Variants in DNER observed in about 807,000 individuals in gnomAD.
The protein encoded by DNER is delta/notch like EGF repeat containing.
Under a neutral mutation model 78.2 loss-of-function variants are expected in DNER, and 33 were observed. The ratio of observed to expected loss-of-function variants is 0.42; its 90% CI spans 0.32 to 0.56. The LOEUF is 0.56. Ranked by LOEUF, DNER falls within the 20% of genes least tolerant of loss-of-function variation. The pLI is 0.11. For synonymous variants in DNER, 417 were observed against 384.8 expected, an observed-to-expected ratio of 1.08 and a Z score of -0.98; for missense variants, 918 against 975.3, an observed-to-expected ratio of 0.94 and a Z score of 0.78.
chr2:229,480,243 G>A (rs376085637), intron 6 of DNER, among the ~76,000 whole-genome samples: 11 of 152,146 alleles, frequency 7.2e-5, no homozygotes, highest in South Asian at 4.1e-4. Flanking sequence ...CATTTTGTCC[G>A]TTTAATTTCA....
At position 229,502,286 on chromosome 2, in the gene DNER, C is replaced by T. The variant is rs1384209689; in HGVS notation, c.1147+10497G>A. Among the ~76,000 whole-genome samples, 19 of 152,292 alleles carry T rather than the reference C, an allele frequency of 1.2e-4. No homozygotes were observed. The East Asian group carries it at 3.5e-3, about 28-fold the overall frequency. On this transcript the variant is annotated intron_variant, in intron 6 of 12. Coordinates refer to ENST00000341772, the MANE Select transcript of DNER (RefSeq NM_139072.4). ...ACTGGAATCAACAAACAGATATCTA[C>T]GGGTGCTCCCTTGAGGAGGCCACCT...
At chr2:229,581,017 C>T (rs933915889) in intron 4 of DNER, among the ~76,000 whole-genome samples, 2 of 151,994 alleles carry the variant, frequency 1.3e-5, no homozygotes, top group African/African-American at 4.8e-5. Flanking sequence ...GGGATGGGGC[C>T]GGCAGTGAGC....
chr2:229,600,500 C>G (rs1443688540), intron 1 of DNER, among the ~76,000 whole-genome samples: 4 of 152,204 alleles, frequency 2.6e-5, no homozygotes, highest in African/African-American at 9.7e-5. Flanking sequence ...TTTTCTCCCC[C>G]CATGCAACTC....
intron 1 of DNER, among the ~76,000 whole-genome samples, chr2:229,652,442 A>C (rs1698836343): frequency 6.6e-6 from 1 of 152,250 alleles, no homozygotes; most frequent in South Asian, 2.1e-4. Context: ...GCATCATAGA[A>C]AGGACATGAA....
chr2:229,364,647 C>T (rs1369037977), intron 12 of DNER, among the ~76,000 whole-genome samples: 1 of 152,074 alleles, frequency 6.6e-6, no homozygotes, highest in African/African-American at 2.4e-5. Flanking sequence ...CTCAGGGTCT[C>T]CCAAGTTCTC....
chr2:229,621,034 G>A (rs1012005942), intron 1 of DNER, among the ~76,000 whole-genome samples: 34 of 152,276 alleles, frequency 2.2e-4, no homozygotes, highest in Admixed American at 9.2e-4. Context: ...CCCGGTCTGC[G>A]GTGCTTTGTT....
intron 5 of DNER, among the ~76,000 whole-genome samples, chr2:229,546,634 G>A (rs759565473): frequency 1.3e-4 from 20 of 152,176 alleles, no homozygotes; most frequent in Non-Finnish European, 2.9e-4. Context: ...TACTCAGGAG[G>A]CTGAAACAGG....
At chr2:229,433,237 C>T (rs1404467897) in intron 8 of DNER, among the ~76,000 whole-genome samples, 1 of 152,162 alleles carries the variant, frequency 6.6e-6, no homozygotes, top group African/African-American at 2.4e-5. Flanking sequence ...CGTGCCCAGC[C>T]GGTTTTGTAT....
intron 1 of DNER, among the ~76,000 whole-genome samples, chr2:229,631,854 C>A (rs898811569): frequency 3.9e-5 from 6 of 152,200 alleles, no homozygotes; most frequent in Non-Finnish European, 7.3e-5. Context: ...ATCATAACAG[C>A]ATCTGCCTCA....
intron 4 of DNER, among the ~76,000 whole-genome samples, chr2:229,560,451 A>G (rs908694447): frequency 1.3e-5 from 2 of 152,148 alleles, no homozygotes; most frequent in East Asian, 3.8e-4. Flanking sequence ...AAGGTTTGCA[A>G]TATCACAGAT....
chr2:229,529,923 T>C (rs13395243), intron 5 of DNER, among the ~76,000 whole-genome samples: 3,910 of 152,048 alleles, frequency 0.026, 171 homozygotes, highest in African/African-American at 0.089. Context: ...GCGGGAGGAT[T>C]GGTTGAGTCT....
intron 1 of DNER, among the ~76,000 whole-genome samples, chr2:229,667,294 G>C (rs1287637947): frequency 6.6e-6 from 1 of 152,152 alleles, no homozygotes; most frequent in Non-Finnish European, 1.5e-5. Flanking sequence ...GGATTGCACA[G>C]CACTATCTAG....
intron 1 of DNER, among the ~76,000 whole-genome samples, chr2:229,669,516 T>A (rs1699171808): frequency 2.6e-5 from 4 of 152,160 alleles, no homozygotes. Context: ...TACGGCCATT[T>A]GCAGGATATT....
At chr2:229,687,555 C>A (rs894226061) in intron 1 of DNER, among the ~76,000 whole-genome samples, 6 of 152,056 alleles carry the variant, frequency 3.9e-5, no homozygotes, top group African/African-American at 9.7e-5. Context: ...CGTGAGCAAC[C>A]ACACCTGGCC....
chr2:229,450,858 T>C (rs544292778), intron 7 of DNER, among the ~76,000 whole-genome samples: 1 of 152,314 alleles, frequency 6.6e-6, no homozygotes, highest in East Asian at 1.9e-4. Flanking sequence ...GAAAAAGATG[T>C]CTGTTGTTTA....
chr2:229,696,600 T>G (rs1699665311), intron 1 of DNER, among the ~76,000 whole-genome samples: 1 of 152,164 alleles, frequency 6.6e-6, no homozygotes, highest in Middle Eastern at 3.4e-3. Flanking sequence ...ACCACAGGAG[T>G]TAGCATAAGG....
intron 1 of DNER, among the ~76,000 whole-genome samples, chr2:229,659,667 A>G (rs1698974057): frequency 6.6e-6 from 1 of 152,146 alleles, no homozygotes; most frequent in Non-Finnish European, 1.5e-5. Flanking sequence ...CAATTTGATG[A>G]TGTTCAAAAG....
Position 229,690,807 on chromosome 2 carries a change from A to G in DNER, c.276+23341T>C, listed in dbSNP as rs1319208392. Among the ~76,000 whole-genome samples, 2 of 152,202 alleles carry G rather than the reference A, an allele frequency of 1.3e-5. 1 individual carries two copies. The highest frequency in any genetic ancestry group is 6.3e-3 in the Middle Eastern group (2 of 316). ...CAAACATTATGGAAAAACAGAGCAG[A>G]GTAATGGGGTTTGTGTTTGTGTGTA... On this transcript the variant is annotated intron_variant, in intron 1 of 12. Transcript: ENST00000341772.
At position 229,390,230 on chromosome 2, in the gene DNER, ACC is replaced by A. The variant is rs1188031947; in HGVS notation, c.1724-1836_1724-1835del. Among the ~76,000 whole-genome samples the A allele has an allele frequency of 7.9e-5, 12 of 152,346 alleles. No individual in the cohort carries two copies. The East Asian group carries it at 2.3e-3, about 29-fold the overall frequency. On this transcript the variant is annotated intron_variant, in intron 10 of 12. Transcript: ENST00000341772. Reference sequence around the variant, plus strand: ...AAATTCTGAAATGAGATGCTCTGTAACCTTTACAAGAATAGCTACAGAAACAG... The same window carrying A: ...AAATTCTGAAATGAGATGCTCTGTAATTTACAAGAATAGCTACAGAAACAG...
Sources: allele counts gnomAD v4.1 joint callset (sites outside exome capture counted in the v4.1 genomes callset), GRCh38; gene constraint gnomAD v4.1.1; transcripts MANE v1.5; gene names NCBI Gene and HGNC (gene_info 2026-07-23, HGNC 2026-07-21).